DGKB: variants seen among roughly 807,000 people sequenced by gnomAD.
DGKB encodes diacylglycerol kinase beta.
A neutral mutation model predicts 114.3 loss-of-function variants in DGKB; 67 were observed. The observed-to-expected ratio is 0.59, with a 90% CI of 0.48 to 0.72. DGKB has a LOEUF of 0.72. Among genes scored for constraint, DGKB ranks in the 30% least tolerant of loss-of-function variants. DGKB has a pLI of 0.00. For missense variants in DGKB, 907 were observed against 975.2 expected, an observed-to-expected ratio of 0.93 and a Z score of 0.93; for synonymous variants, 398 against 323.1, an observed-to-expected ratio of 1.23 and a Z score of -2.49.
chr7:14,310,067 C>G (rs1371529083), intron 23 of DGKB, among the ~76,000 whole-genome samples: 1 of 152,134 alleles, frequency 6.6e-6, no homozygotes, highest in Non-Finnish European at 1.5e-5. Flanking sequence ...AATTCCAGAA[C>G]TGCCACGGAA....
At chr7:14,656,147 T>C (rs959522866) in intron 13 of DGKB, among the ~76,000 whole-genome samples, 3 of 151,708 alleles carry the variant, frequency 2.0e-5, no homozygotes, top group Non-Finnish European at 4.4e-5. Flanking sequence ...ATCCTATAAA[T>C]ATGTAAAATT....
chr7:14,485,120 AC>A (rs1783593152), intron 20 of DGKB, among the ~76,000 whole-genome samples: 1 of 151,230 alleles, frequency 6.6e-6, no homozygotes, highest in African/African-American at 2.4e-5. Context: ...ACACACACAC[AC>A]ACACACACAC....
chr7:14,534,979 T>C (rs1327015571), intron 20 of DGKB, among the ~76,000 whole-genome samples: 1 of 152,060 alleles, frequency 6.6e-6, no homozygotes, highest in East Asian at 1.9e-4. Flanking sequence ...AATTAGAGAA[T>C]ATCATGAGAC....
intron 21 of DGKB, among the ~76,000 whole-genome samples, chr7:14,476,872 A>G (rs1455824638): frequency 6.6e-6 from 1 of 151,104 alleles, no homozygotes; most frequent in East Asian, 2.0e-4. Context: ...CTCCTGCCTC[A>G]GCCTCTTGAG....
At chr7:14,941,144 C>T (rs1282026732) in intron 1 of DGKB, among the ~76,000 whole-genome samples, 2 of 151,692 alleles carry the variant, frequency 1.3e-5, no homozygotes, top group South Asian at 4.2e-4. Flanking sequence ...GAAAACAAAG[C>T]CAGCTAACTT....
intron 2 of DGKB, among the ~76,000 whole-genome samples, chr7:14,808,260 T>C (rs1481506567): frequency 1.3e-5 from 2 of 152,064 alleles, no homozygotes; most frequent in Non-Finnish European, 2.9e-5. Flanking sequence ...CAATATTTGC[T>C]CTACAGAAAA....
At chr7:14,557,043 C>T (rs1484783919) in intron 20 of DGKB, among the ~76,000 whole-genome samples, 1 of 152,112 alleles carries the variant, frequency 6.6e-6, no homozygotes. Context: ...ATTAGGATCA[C>T]CTGGAAGCTT....
chr7:14,506,848 C>A (rs1787159990), intron 20 of DGKB, among the ~76,000 whole-genome samples: 1 of 152,144 alleles, frequency 6.6e-6, no homozygotes, highest in Admixed American at 6.6e-5. Flanking sequence ...AGCAAGTTGA[C>A]CATTGATTAG....
At chr7:14,410,402 T>G (rs1563124808) in intron 21 of DGKB, among the ~76,000 whole-genome samples, 1 of 152,178 alleles carries the variant, frequency 6.6e-6, no homozygotes, top group Admixed American at 6.6e-5. Flanking sequence ...TTCTAAACCT[T>G]TTGCTATTCC....
chr7:14,345,881 A>G (rs1812392578), intron 21 of DGKB, among the ~76,000 whole-genome samples: 1 of 151,666 alleles, frequency 6.6e-6, no homozygotes, highest in Non-Finnish European at 1.5e-5. Context: ...AAAAGACTCA[A>G]AATTTATTTT....
At chr7:14,278,943 G>T (rs56216249) in intron 23 of DGKB, among the ~76,000 whole-genome samples, 18,633 of 152,094 alleles carry the variant, frequency 0.12, 3,273 homozygotes, top group African/African-American at 0.39. Flanking sequence ...AGAAGACGGG[G>T]GATTTCTGCA....
intron 20 of DGKB, among the ~76,000 whole-genome samples, chr7:14,514,788 T>C (rs1788517328): frequency 6.6e-6 from 1 of 152,128 alleles, no homozygotes; most frequent in Non-Finnish European, 1.5e-5. Context: ...GTACAGTGGC[T>C]CACACCTGTA....
chr7:14,695,478 TTCTCTC>T (rs1164986639), intron 8 of DGKB, among the ~76,000 whole-genome samples: 3 of 138,990 alleles, frequency 2.2e-5, no homozygotes, highest in African/African-American at 5.5e-5. Flanking sequence ...AAATGTTCAT[TTCTCTC>T]TCTCTCTCTC....
Position 14,911,280 on chromosome 7 carries a change from G to C in DGKB, c.-188+63416C>G, listed in dbSNP as rs547401211. 9.4e-4 allele frequency among the ~76,000 whole-genome samples: 143 copies of C among 152,076 alleles called. 3 individuals are homozygous for C. Among genetic ancestry groups the C allele is most frequent in the Non-Finnish European group, 1.2e-3 (80 of 67,992 alleles). On this transcript the variant is annotated intron_variant, in intron 1 of 4. Coordinates refer to the DGKB transcript ENST00000437998. ...TATCACTGTATCAATAAGTGTAGTT[G>C]TGTAAGGACCTGTCCAAATGCTGAA...
At chr7:14,796,072 C>T (rs964179391) in intron 2 of DGKB, among the ~76,000 whole-genome samples, 1 of 152,044 alleles carries the variant, frequency 6.6e-6, no homozygotes, top group African/African-American at 2.4e-5. Context: ...GAACAAACTC[C>T]AAATTTATGG....
intron 13 of DGKB, among the ~76,000 whole-genome samples, chr7:14,664,771 A>T (rs541081553): frequency 1.3e-5 from 2 of 152,080 alleles, no homozygotes; most frequent in Admixed American, 1.3e-4. Context: ...TCACACCCTA[A>T]TATTTAACCT....
At chr7:14,311,369 T>C (rs1805366847) in intron 23 of DGKB, among the ~76,000 whole-genome samples, 1 of 152,188 alleles carries the variant, frequency 6.6e-6, no homozygotes, top group African/African-American at 2.4e-5. Flanking sequence ...ACTGGTTTTT[T>C]GTTCTATATG....
rs185453399 is a variant in DGKB at position 14,205,603 on chromosome 7, T to C, written c.2123-27452A>G. Reference sequence around the variant, plus strand: ...GTGATTCTGAGACTATCTTCAAAGATTGGAGGATCAGACAACATTGGGCCA... The same window carrying C: ...GTGATTCTGAGACTATCTTCAAAGACTGGAGGATCAGACAACATTGGGCCA... On this transcript the variant is annotated intron_variant, in intron 23 of 25. Coordinates refer to ENST00000402815, the MANE Select transcript of DGKB (RefSeq NM_001350709.2). 1.4e-4 allele frequency among the ~76,000 whole-genome samples: 21 copies of C among 152,160 alleles called. No individual in the cohort carries two copies. In the East Asian group the frequency reaches 3.1e-3, roughly 22 times the overall value.
rs545277211 is a variant in DGKB, at chr7:14,219,740, TGATA to T, written c.2123-41593_2123-41590del. Among the ~76,000 whole-genome samples the T allele has an allele frequency of 4.3e-4, 65 of 151,950 alleles. 1 individual carries two copies. Among genetic ancestry groups the T allele is most frequent in the African/African-American group, 1.5e-3 (61 of 41,546 alleles). ...CACTTGTGTTGTCTTTTCACTTTCTTGATAGAGTCCTTTGAAATGCAAGTTTTAA... is the reference window on the plus strand; with the variant it reads ...CACTTGTGTTGTCTTTTCACTTTCTTGAGTCCTTTGAAATGCAAGTTTTAA... On this transcript the variant is annotated intron_variant, in intron 23 of 25. Transcript: ENST00000402815.
Sources: gnomAD v4.1 joint callset for allele counts (sites outside exome capture counted in the v4.1 genomes callset) on GRCh38, gnomAD v4.1.1 for gene constraint, MANE v1.5 for transcripts, NCBI Gene and HGNC (gene_info 2026-07-23, HGNC 2026-07-21) for gene names.